Variants in RAP1GAP2 observed in about 807,000 individuals in gnomAD.
RAP1GAP2 encodes the protein RAP1 GTPase activating protein 2, also known as rap1 GTPase-activating protein 2.
RAP1GAP2 carries 27 observed loss-of-function variants against 95.0 expected under a neutral mutation model. The ratio of observed to expected loss-of-function variants is 0.28; its 90% CI spans 0.21 to 0.39. The LOEUF is 0.39. RAP1GAP2 is among the 10% of genes least tolerant of loss of function. The probability of loss-of-function intolerance (pLI) is 1.00; values close to 1 mark genes in which losing one functional copy is unlikely to be tolerated. For synonymous variants in RAP1GAP2, 373 were observed against 380.9 expected, an observed-to-expected ratio of 0.98 and a Z score of 0.24; for missense variants, 771 against 970.0, an observed-to-expected ratio of 0.79 and a Z score of 2.72.
At chr17:2,917,131 G>A (rs1406336676) in intron 3 of RAP1GAP2, among the ~76,000 whole-genome samples, 1 of 152,190 alleles carries the variant, frequency 6.6e-6, no homozygotes, top group African/African-American at 2.4e-5. Flanking sequence ...CCACAGGGGC[G>A]ATTAATCCAG....
chr17:2,965,356 C>T lies in RAP1GAP2; in HGVS notation c.493-184C>T, dbSNP rs369599762. 36 of 600,052 alleles carry T rather than the reference C, an allele frequency of 6.0e-5. No individual in the cohort carries two copies. The highest frequency in any genetic ancestry group is 4.4e-4 in the Middle Eastern group (1 of 2,262). 37.2% of individuals were successfully genotyped at this position (600,052 alleles called of 1,614,324 possible). The stretch of plus-strand genomic sequence containing the variant: ...GATAGTGGGTATTAAGCCCCTGGCA[C>T]GGTGCCTGGCGCCTCCTGAGGATCC... On this transcript the variant is annotated intron_variant, in intron 7 of 24. Transcript: ENST00000254695. The surrounding 1 kb of genome is among the most constrained non-coding windows in gnomAD (Gnocchi z 4.7).
In RAP1GAP2 at chr17:2,855,442, T is replaced by G. The variant is rs562364296; in HGVS notation, c.81-49842T>G. Among the ~76,000 whole-genome samples the G allele has an allele frequency of 6.6e-6, 1 of 152,236 alleles. No homozygotes were observed. The highest frequency in any genetic ancestry group is 2.4e-5 in the African/African-American group (1 of 41,534). ...GACCTCCGGCTCCCGGTCCTCTGAG[T>G]GGGGAACAGTTGCCTGGCTAGAACT... On this transcript the variant is annotated intron_variant, in intron 2 of 24. Transcript: ENST00000254695. This position sits in a 1 kb window ranked among gnomAD's most constrained non-coding sequence, Gnocchi z 4.3.
chr17:2,885,915 C>G (rs1187720258), intron 2 of RAP1GAP2, among the ~76,000 whole-genome samples: 1 of 152,166 alleles, frequency 6.6e-6, no homozygotes, highest in African/African-American at 2.4e-5. Flanking sequence ...GTGACCAGGG[C>G]AGCTGGAAAT....
intron 11 of RAP1GAP2, among the ~76,000 whole-genome samples, chr17:2,987,175 C>T (rs559523481): frequency 1.6e-4 from 24 of 152,188 alleles, no homozygotes; most frequent in Non-Finnish European, 2.4e-4. Flanking sequence ...GGCCCATGGG[C>T]TGCAGTTTGT....
At chr17:2,971,280 A>G (rs1175986952) in intron 8 of RAP1GAP2, among the ~76,000 whole-genome samples, 2 of 152,252 alleles carry the variant, frequency 1.3e-5, no homozygotes, top group African/African-American at 4.8e-5. Flanking sequence ...AACAATCCCA[A>G]TACTTTCTTA....
At chr17:3,022,867 C>T (rs150740772) in intron 19 of RAP1GAP2, among the ~76,000 whole-genome samples, 44 of 152,316 alleles carry the variant, frequency 2.9e-4, no homozygotes, top group African/African-American at 9.9e-4. Flanking sequence ...TTCTTTGTTT[C>T]ATGCCTTAGA....
chr17:2,764,787 A>T (rs890765546), intron 1 of RAP1GAP2, among the ~76,000 whole-genome samples: 2 of 152,212 alleles, frequency 1.3e-5, no homozygotes, highest in Non-Finnish European at 1.5e-5. Flanking sequence ...ATAAAAATAC[A>T]ATATAGTCAC....
intron 16 of RAP1GAP2, among the ~76,000 whole-genome samples, chr17:3,006,722 T>C (rs962548189): frequency 6.6e-6 from 1 of 152,336 alleles, no homozygotes; most frequent in Non-Finnish European, 1.5e-5. Context: ...CGTGAGCCAC[T>C]GCGCCTGGCC....
Position 2,905,304 on chromosome 17 carries a change from G to T in RAP1GAP2, c.101G>T (p.Ser34Ile). ...CACAGGAAGCAGGAGCTGGCCAACA[G>T]CTCGGATGCGACCCTCCCAGACCGG... ...LKVKKQELAN[S>I]SDATLPDRPL... Residue 34 changes from serine to isoleucine, a missense_variant, in exon 3 of 25, where the codon AGC becomes ATC. Physicochemically the swap from Ser to Ile is moderately radical, Grantham distance 142 (BLOSUM62 -2). Coordinates refer to ENST00000254695, the MANE Select transcript of RAP1GAP2 (RefSeq NM_015085.5). 1 of 1,613,810 alleles carries T rather than the reference G, an allele frequency of 6.2e-7. No homozygotes were observed. The highest frequency in any genetic ancestry group is 8.5e-7 in the Non-Finnish European group (1 of 1,179,786).
intron 2 of RAP1GAP2, among the ~76,000 whole-genome samples, chr17:2,852,084 A>G (rs1275358113): frequency 1.3e-5 from 2 of 152,192 alleles, no homozygotes; most frequent in Non-Finnish European, 2.9e-5. Flanking sequence ...GCTGTGTGCT[A>G]TAGCGCGGTG....
intron 1 of RAP1GAP2, among the ~76,000 whole-genome samples, chr17:2,779,531 T>C (rs1324044682): frequency 1.3e-5 from 2 of 152,160 alleles, no homozygotes; most frequent in African/African-American, 4.8e-5. Flanking sequence ...CCTGAATGCT[T>C]CCATTTCACA....
At chr17:2,933,296 A>G (rs1251694388) in intron 3 of RAP1GAP2, among the ~76,000 whole-genome samples, 1 of 151,800 alleles carries the variant, frequency 6.6e-6, no homozygotes, top group African/African-American at 2.4e-5. Context: ...CAGGGCCAGT[A>G]AAGTGCCTGG....
chr17:2,991,056 G>T (rs2045734898), intron 11 of RAP1GAP2, among the ~76,000 whole-genome samples: 1 of 151,886 alleles, frequency 6.6e-6, no homozygotes. Flanking sequence ...TGTTGGCCAG[G>T]CTGGTCTCGA....
intron 2 of RAP1GAP2, among the ~76,000 whole-genome samples, chr17:2,848,292 GT>G (rs1346603143): frequency 6.6e-6 from 1 of 152,112 alleles, no homozygotes; most frequent in Non-Finnish European, 1.5e-5. Context: ...TATGACGTCT[GT>G]GGCCCCAGGA....
chr17:2,908,737 C>A (rs1359803068), intron 3 of RAP1GAP2, among the ~76,000 whole-genome samples: 1 of 151,998 alleles, frequency 6.6e-6, no homozygotes, highest in Non-Finnish European at 1.5e-5. Flanking sequence ...ATTTTAGGGA[C>A]AGGGTCGTGC....
Position 3,026,013 on chromosome 17 carries a change from G to A in RAP1GAP2, c.1757G>A (p.Ser586Asn), listed in dbSNP as rs1361513297. The A allele has an allele frequency of 1.2e-6, 2 of 1,611,180 alleles. No individual in the cohort carries two copies. The highest frequency in any genetic ancestry group is 1.7e-4 in the Middle Eastern group (1 of 6,056). Reference protein sequence around the residue: ...GQGDSRARCDSTSSTPKTPDG... With the variant: ...GQGDSRARCDNTSSTPKTPDG... ...CCTCATTTCCATTCCCTCAGTGACA[G>A]CACATCCAGCACACCCAAGACCCCA... Residue 586 changes from serine (S) to asparagine (N), a missense_variant, in exon 20 of 25, where the codon AGC (serine) becomes AAC (asparagine). Ser to Asn is a conservative substitution (Grantham distance 46). Coordinates refer to ENST00000254695, the MANE Select transcript of RAP1GAP2 (RefSeq NM_015085.5).
intron 2 of RAP1GAP2, among the ~76,000 whole-genome samples, chr17:2,850,665 G>T (rs1456158692): frequency 6.7e-6 from 1 of 149,320 alleles, no homozygotes; most frequent in Non-Finnish European, 1.5e-5. Flanking sequence ...CAGGGGAATG[G>T]CATGAACCCG....
intron 19 of RAP1GAP2, among the ~76,000 whole-genome samples, chr17:3,021,595 C>A (rs549737692): frequency 3.3e-5 from 5 of 152,124 alleles, no homozygotes; most frequent in African/African-American, 1.2e-4. Context: ...GCCACCACAC[C>A]GGCTAATTTT....
intron 2 of RAP1GAP2, among the ~76,000 whole-genome samples, chr17:2,853,755 C>A (rs1176189674): frequency 6.8e-6 from 1 of 147,110 alleles, no homozygotes; most frequent in African/African-American, 2.4e-5. Flanking sequence ...CTCGGAAATG[C>A]CCGCGCCGGG....
Sources: gnomAD v4.1 joint callset for allele counts (sites outside exome capture counted in the v4.1 genomes callset) on GRCh38, gnomAD v4.1.1 for gene constraint, Gnocchi (gnomAD v3.1) non-coding constraint, MANE v1.5 for transcripts, NCBI Gene and HGNC (gene_info 2026-07-23, HGNC 2026-07-21) for gene names.